KIAA1217: variants seen among roughly 807,000 people sequenced by gnomAD.
KIAA1217 encodes KIAA1217.
Under a neutral mutation model 163.9 loss-of-function variants are expected in KIAA1217, and 88 were observed. The ratio of observed to expected loss-of-function variants is 0.54; its 90% CI spans 0.45 to 0.64. The LOEUF is 0.64. KIAA1217 is among the 30% of genes least tolerant of loss of function. The pLI is 0.00. For missense variants in KIAA1217, 2,372 were observed against 2,475.0 expected, an observed-to-expected ratio of 0.96 and a Z score of 0.88; for synonymous variants, 903 against 923.1, an observed-to-expected ratio of 0.98 and a Z score of 0.39.
chr10:23,697,104 G>A (rs1020148393), intron 1 of KIAA1217, among the ~76,000 whole-genome samples: 4 of 152,098 alleles, frequency 2.6e-5, no homozygotes, highest in African/African-American at 7.2e-5. Context: ...TATGAAATAC[G>A]TGCATCTCTG....
intron 1 of KIAA1217, 109 bp from the exon 2 acceptor site, chr10:24,219,517 G>A (rs1040318231): frequency 2.1e-5 from 17 of 796,984 alleles, no homozygotes; most frequent in East Asian, 6.3e-5. Context: ...AAAGATTTGC[G>A]AAGTTAACAT....
chr10:23,912,250 A>G (rs17570018), intron 1 of KIAA1217, among the ~76,000 whole-genome samples: 2,642 of 152,278 alleles, frequency 0.017, 45 homozygotes, highest in Admixed American at 0.052. Context: ...TTAAATGAGC[A>G]TTTAATATAG....
At chr10:24,430,985 T>C (rs2059562096) in intron 3 of KIAA1217, among the ~76,000 whole-genome samples, 1 of 152,206 alleles carries the variant, frequency 6.6e-6, no homozygotes, top group Admixed American at 6.5e-5. Context: ...TCACTATGCA[T>C]TTCTACCTTC....
At chr10:23,987,359 A>T (rs145496976) in intron 1 of KIAA1217, among the ~76,000 whole-genome samples, 4,981 of 137,898 alleles carry the variant, frequency 0.036, 321 homozygotes, top group African/African-American at 0.13. Flanking sequence ...CCTGGGCGAC[A>T]CAGCGAGACT....
At position 23,724,133 on chromosome 10, in the gene KIAA1217, T is replaced by C. The variant is rs1474262225; in HGVS notation, c.-321+28899T>C. Among the ~76,000 whole-genome samples the C allele has an allele frequency of 2.0e-5, 3 of 152,184 alleles. No homozygotes were observed. In the East Asian group the frequency reaches 5.8e-4, roughly 29 times the overall value. Reference sequence around the variant, plus strand: ...CAAGGGGATGGTGCTGAACCATTCATGGGAAATCTACCTGCATGATCCAAT... The same window carrying C: ...CAAGGGGATGGTGCTGAACCATTCACGGGAAATCTACCTGCATGATCCAAT... On this transcript the variant is annotated intron_variant, in intron 1 of 18. Coordinates refer to the KIAA1217 transcript ENST00000376462.
At chr10:24,276,614 T>C (rs1304637811) in intron 2 of KIAA1217, among the ~76,000 whole-genome samples, 1 of 151,432 alleles carries the variant, frequency 6.6e-6, no homozygotes, top group African/African-American at 2.4e-5. Flanking sequence ...CCAGCTTTTT[T>C]TTTTTTTTTT....
chr10:24,101,116 A>G (rs2062396951), intron 2 of KIAA1217, among the ~76,000 whole-genome samples: 2 of 152,234 alleles, frequency 1.3e-5, no homozygotes. Context: ...AAAAAGAACT[A>G]AAACAACAAA....
At chr10:24,183,736 T>C (rs11816674) in intron 2 of KIAA1217, among the ~76,000 whole-genome samples, 1,904 of 152,318 alleles carry the variant, frequency 0.013, 17 homozygotes, top group Middle Eastern at 0.058. Context: ...TCCCACTAAA[T>C]CTGGTTAGAC....
chr10:24,208,981 A>C, upstream of KIAA1217: 1 of 455,890 alleles, frequency 2.2e-6, no homozygotes, highest in Non-Finnish European at 4.0e-6. Context: ...ACGGAGGGCC[A>C]GGGGCAGGGG....
At chr10:24,497,579 G>T (rs866568161) in intron 8 of KIAA1217, among the ~76,000 whole-genome samples, 2 of 151,998 alleles carry the variant, frequency 1.3e-5, no homozygotes, top group African/African-American at 4.8e-5. Context: ...CAAAAAATGA[G>T]CGTGGTGGTA....
intron 1 of KIAA1217, among the ~76,000 whole-genome samples, chr10:23,802,328 A>T (rs1307084365): frequency 4.6e-5 from 7 of 152,228 alleles, no homozygotes; most frequent in Non-Finnish European, 1.5e-5. Flanking sequence ...GAGGGCCCAA[A>T]GTATTTTTAC....
At chr10:23,957,815 C>T (rs903762202) in intron 1 of KIAA1217, among the ~76,000 whole-genome samples, 26 of 152,174 alleles carry the variant, frequency 1.7e-4, no homozygotes, top group Non-Finnish European at 3.5e-4. Flanking sequence ...TTGCTTTTCT[C>T]ACCTATTTCT....
At chr10:24,480,169 AG>A in intron 6 of KIAA1217, among the ~76,000 whole-genome samples, 1 of 152,222 alleles carries the variant, frequency 6.6e-6, no homozygotes, top group Non-Finnish European at 1.5e-5. Context: ...TGCCCTGCCC[AG>A]GGGGGCAAAA....
At chr10:23,973,082 A>T (rs189462185) in intron 1 of KIAA1217, among the ~76,000 whole-genome samples, 50 of 152,338 alleles carry the variant, frequency 3.3e-4, no homozygotes, top group Middle Eastern at 3.4e-3. Flanking sequence ...ATTTTAGAAA[A>T]GAAAAGTTTC....
At chr10:24,234,430 A>T (rs1240617122) in intron 2 of KIAA1217, among the ~76,000 whole-genome samples, 1 of 152,050 alleles carries the variant, frequency 6.6e-6, no homozygotes, top group Non-Finnish European at 1.5e-5. Context: ...TTGGGAGGCT[A>T]AGGCAGGCGG....
chr10:24,392,765 A>G (rs1383345151), intron 3 of KIAA1217, among the ~76,000 whole-genome samples: 1 of 152,210 alleles, frequency 6.6e-6, no homozygotes, highest in African/African-American at 2.4e-5. Context: ...ATGTTCTGCA[A>G]TGGTTTGGTT....
intron 1 of KIAA1217, among the ~76,000 whole-genome samples, chr10:23,759,284 A>G (rs1326601665): frequency 6.6e-6 from 1 of 151,964 alleles, no homozygotes. Flanking sequence ...GGTTGAATTC[A>G]TTTCTTAGTT....
At chr10:24,059,971 C>A (rs1057315194) in intron 2 of KIAA1217, among the ~76,000 whole-genome samples, 2 of 152,190 alleles carry the variant, frequency 1.3e-5, no homozygotes, top group Non-Finnish European at 2.9e-5. Context: ...ATACAGTAGT[C>A]TCTTACAATC....
At chr10:24,107,657 A>C (rs2062684262) in intron 2 of KIAA1217, among the ~76,000 whole-genome samples, 1 of 152,116 alleles carries the variant, frequency 6.6e-6, no homozygotes, top group Admixed American at 6.5e-5. Flanking sequence ...GTTTTTTCAT[A>C]TGCTTGTTGG....
Sources: allele counts gnomAD v4.1 joint callset (sites outside exome capture counted in the v4.1 genomes callset), GRCh38; gene constraint gnomAD v4.1.1; transcripts MANE v1.5; gene names NCBI Gene and HGNC (gene_info 2026-07-23, HGNC 2026-07-21).